The following ASH1L variants were observed in gnomAD, a reference collection of about 807,000 sequenced individuals.
The protein encoded by ASH1L is ASH1 like histone lysine methyltransferase.
ASH1L carries 23 observed loss-of-function variants against 269.0 expected under a neutral mutation model. That is an observed-to-expected ratio of 0.09 (90% CI 0.06 to 0.12). ASH1L has a LOEUF of 0.12. ASH1L is among the 10% of genes least tolerant of loss of function. The probability of loss-of-function intolerance (pLI) is 1.00; values close to 1 mark genes in which losing one functional copy is unlikely to be tolerated. For synonymous variants in ASH1L, 1,187 were observed against 1,253.5 expected (o/e 0.95, Z 1.12); for missense variants, 2,912 against 3,567.8 (o/e 0.82, Z 4.68).
At chr1:155,439,174 G>C in intron 4 of ASH1L, 106 bp from the exon 5 acceptor site, 2 of 1,193,940 alleles carry the variant, frequency 1.7e-6, no homozygotes, top group Non-Finnish European at 2.3e-6. Context: ...TCCATAGCAA[G>C]ATTACACATC....
rs1409985263 is a variant in ASH1L at position 155,336,184 on chromosome 1, T to C, written c.*1476A>G. On this transcript the variant is annotated 3_prime_UTR_variant, in exon 28 of 28. Coordinates refer to ENST00000392403, the MANE Select transcript of ASH1L (RefSeq NM_018489.3). ...AGGGGAAAAAGGAAAAAATATTTAA[T>C]GGAATGGAAGGTGGTCAATGTGTCT... The C allele has an allele frequency of 2.0e-5, 3 of 152,592 alleles. No homozygotes were observed. The highest frequency in any genetic ancestry group is 2.9e-5 in the Non-Finnish European group (2 of 68,020). 9.5% of individuals were successfully genotyped at this position (152,592 alleles called of 1,614,324 possible).
At chr1:155,530,762 A>G (rs192195165) in intron 1 of ASH1L, among the ~76,000 whole-genome samples, 1 of 151,996 alleles carries the variant, frequency 6.6e-6, no homozygotes, top group Non-Finnish European at 1.5e-5. Context: ...AATCAAAAAA[A>G]TTAGCTGGGC....
intron 3 of ASH1L, among the ~76,000 whole-genome samples, chr1:155,470,287 C>T (rs1332080500): frequency 6.6e-6 from 1 of 151,776 alleles, no homozygotes; most frequent in Non-Finnish European, 1.5e-5. Flanking sequence ...GGTGAAACTC[C>T]GTCTCTACTA....
intron 1 of ASH1L, among the ~76,000 whole-genome samples, chr1:155,547,870 G>C (rs1455663515): frequency 3.3e-5 from 5 of 152,202 alleles, no homozygotes; most frequent in African/African-American, 1.2e-4. Flanking sequence ...CTACCCACCA[G>C]AAGGCTAAAG....
At chr1:155,485,061 G>A (rs1197267773) in intron 2 of ASH1L, among the ~76,000 whole-genome samples, 2 of 151,358 alleles carry the variant, frequency 1.3e-5, no homozygotes, top group African/African-American at 4.9e-5. Flanking sequence ...GAGTTTGAGA[G>A]CAGTCGAACA....
Position 155,425,908 on chromosome 1 carries a change from A to G in ASH1L, c.5829-9985T>C, listed in dbSNP as rs1323819897. 3.1e-5 allele frequency among the ~76,000 whole-genome samples: 4 copies of G among 128,730 alleles called. No individual in the cohort carries two copies. In the Admixed American group the frequency reaches 3.2e-4, roughly 10 times the overall value. 84.5% of individuals were successfully genotyped at this position (128,730 alleles called of 152,430 possible). A position where few individuals can be genotyped will look rare whatever the true frequency, so the allele number is the denominator to read the frequency against. On this transcript the variant is annotated intron_variant, in intron 5 of 27. Coordinates refer to ENST00000392403, the MANE Select transcript of ASH1L (RefSeq NM_018489.3). ...TTTTTTGTGGTGTTTTTTTTTTTTG[A>G]GACGGAGTCTCGCTCTGTCACCCAG...
chr1:155,530,562 C>CT (rs1669602899), intron 1 of ASH1L, among the ~76,000 whole-genome samples: 1 of 94,468 alleles, frequency 1.1e-5, no homozygotes, highest in Non-Finnish European at 2.8e-5. Flanking sequence ...CCCGTCTCTA[C>CT]TAAAAAAAAA....
At chr1:155,442,845 C>T (rs2148632030) in intron 4 of ASH1L, among the ~76,000 whole-genome samples, 1 of 152,208 alleles carries the variant, frequency 6.6e-6, no homozygotes, top group East Asian at 1.9e-4. Flanking sequence ...CAATCTTTCT[C>T]CACAAATTCA....
chr1:155,408,613 A>G (rs537627623), intron 6 of ASH1L, among the ~76,000 whole-genome samples: 2 of 152,324 alleles, frequency 1.3e-5, no homozygotes, highest in Middle Eastern at 3.4e-3. Context: ...GTGCTCAAAG[A>G]TAAGTAATCT....
chr1:155,561,847 T>C (rs997219791), intron 1 of ASH1L, among the ~76,000 whole-genome samples: 3 of 149,672 alleles, frequency 2.0e-5, no homozygotes, highest in Non-Finnish European at 4.5e-5. Context: ...AACTGGACTA[T>C]GGGGGAGGCT....
At chr1:155,544,636 T>C (rs1274410190) in intron 1 of ASH1L, among the ~76,000 whole-genome samples, 2 of 151,710 alleles carry the variant, frequency 1.3e-5, no homozygotes, top group African/African-American at 4.8e-5. Context: ...TAAAGAAAAA[T>C]AGTGACAAGT....
rs1665419395 is a variant in ASH1L, at chr1:155,474,928, C to G, written c.4984+2958G>C. On this transcript the variant is annotated intron_variant, in intron 3 of 27. Coordinates refer to ENST00000392403, the MANE Select transcript of ASH1L (RefSeq NM_018489.3). ...CCAGTGTTCATGCAGAAGGCAAAAT[C>G]ATCATTTAAAAATGCAAACCTAAAA... 2.0e-5 allele frequency among the ~76,000 whole-genome samples: 3 copies of G among 152,344 alleles called. No individual in the cohort carries two copies. In the South Asian group the frequency reaches 6.2e-4, roughly 32 times the overall value.
intron 1 of ASH1L, among the ~76,000 whole-genome samples, chr1:155,548,169 T>C (rs1196876343): frequency 1.3e-5 from 2 of 151,596 alleles, no homozygotes; most frequent in Admixed American, 1.3e-4. Flanking sequence ...AGTCAGTGGG[T>C]TGGGGGGCAA....
chr1:155,431,655 G>C (rs1219195236), intron 5 of ASH1L, among the ~76,000 whole-genome samples: 1 of 152,100 alleles, frequency 6.6e-6, no homozygotes, highest in Non-Finnish European at 1.5e-5. Context: ...CAGCCACTGT[G>C]GGGGAGGGAT....
chr1:155,413,672 C>T (rs1490824546), intron 6 of ASH1L, among the ~76,000 whole-genome samples: 1 of 152,170 alleles, frequency 6.6e-6, no homozygotes, highest in South Asian at 2.1e-4. Context: ...TCTTTTCTGT[C>T]TGTAACAAAC....
chr1:155,540,983 T>G (rs1009259614), intron 1 of ASH1L, among the ~76,000 whole-genome samples: 1 of 150,662 alleles, frequency 6.6e-6, no homozygotes, highest in Non-Finnish European at 1.5e-5. Context: ...CGGGGAGACA[T>G]TTCCTATTCC....
chr1:155,414,471 G>A (rs536839227), intron 6 of ASH1L, among the ~76,000 whole-genome samples: 42 of 152,062 alleles, frequency 2.8e-4, no homozygotes, highest in African/African-American at 8.7e-4. Context: ...CACCACACTC[G>A]GCTAATTTTG....
intron 3 of ASH1L, among the ~76,000 whole-genome samples, chr1:155,474,781 C>T (rs1437714925): frequency 6.6e-6 from 1 of 152,158 alleles, no homozygotes; most frequent in Admixed American, 6.5e-5. Context: ...CATGTTATCT[C>T]CAATCTCCCA....
At chr1:155,552,677 C>A (rs1417295815) in intron 1 of ASH1L, among the ~76,000 whole-genome samples, 1 of 151,374 alleles carries the variant, frequency 6.6e-6, no homozygotes, top group Non-Finnish European at 1.5e-5. Flanking sequence ...AAAACCTAGG[C>A]TAAAATGAAG....
Sources: gnomAD v4.1 joint callset for allele counts (sites outside exome capture counted in the v4.1 genomes callset) on GRCh38, gnomAD v4.1.1 for gene constraint, MANE v1.5 for transcripts, NCBI Gene and HGNC (gene_info 2026-07-23, HGNC 2026-07-21) for gene names.